Variants in PTPRK observed in about 807,000 individuals in gnomAD.
PTPRK encodes the protein protein tyrosine phosphatase receptor type K.
Under a neutral mutation model 178.0 loss-of-function variants are expected in PTPRK, and 75 were observed. The ratio of observed to expected loss-of-function variants is 0.42; its 90% confidence interval spans 0.35 to 0.51. The LOEUF (loss-of-function observed/expected upper bound fraction) is 0.51, where lower values mean the gene tolerates loss of function less well. Ranked by LOEUF, PTPRK falls within the 20% of genes least tolerant of loss-of-function variation. The probability of loss-of-function intolerance (pLI) is 0.02; values close to 1 mark genes in which losing one functional copy is unlikely to be tolerated. For missense variants in PTPRK, 1,441 were observed against 1,797.8 expected (o/e 0.80, Z 3.59); for synonymous variants, 637 against 620.6 (o/e 1.03, Z -0.39).
intron 3 of PTPRK, among the ~76,000 whole-genome samples, chr6:128,300,705 T>C (rs750038447): frequency 4.4e-5 from 4 of 91,772 alleles, no homozygotes; most frequent in Non-Finnish European, 8.3e-5. Flanking sequence ...GTATGGGGAC[T>C]GTTGTGGGGT....
intron 9 of PTPRK, among the ~76,000 whole-genome samples, chr6:128,082,862 C>T (rs1269778082): frequency 6.6e-6 from 1 of 151,568 alleles, no homozygotes; most frequent in East Asian, 1.9e-4. Flanking sequence ...TATAGCTGAC[C>T]AAATCAATAT....
At chr6:128,016,001 C>T (rs1186551130) in intron 13 of PTPRK, among the ~76,000 whole-genome samples, 3 of 151,564 alleles carry the variant, frequency 2.0e-5, no homozygotes, top group Non-Finnish European at 4.4e-5. Context: ...TTTGAGATAC[C>T]TGAAATATCT....
chr6:128,345,181 C>A (rs773517658), intron 2 of PTPRK, among the ~76,000 whole-genome samples: 1 of 151,930 alleles, frequency 6.6e-6, no homozygotes, highest in Non-Finnish European at 1.5e-5. Flanking sequence ...TTCATAGATA[C>A]ATGTATTCAT....
In PTPRK at chr6:128,491,522, G is replaced by A. The variant is rs761112638; in HGVS notation, c.100+28737C>T. Among the ~76,000 whole-genome samples the A allele has an allele frequency of 4.6e-5, 7 of 152,250 alleles. No homozygotes were observed. In the East Asian group the frequency reaches 5.8e-4, roughly 13 times the overall value. ...AAGCAGACAAAAGCAGCCTGGCTCC[G>A]GTGTATCCACACTTGGCAGCTGTAA... On this transcript the variant is annotated intron_variant, in intron 1 of 29. Transcript: ENST00000368226.
At chr6:128,009,366 A>G (rs1215091993) in intron 13 of PTPRK, 98 bp from the exon 14 acceptor site, 1 of 1,068,250 alleles carries the variant, frequency 9.4e-7, no homozygotes, top group Non-Finnish European at 1.4e-6. Flanking sequence ...CAACTTGTTT[A>G]TTGTATATTA....
At chr6:128,070,713 C>T (rs1430055674) in intron 11 of PTPRK, among the ~76,000 whole-genome samples, 7 of 151,874 alleles carry the variant, frequency 4.6e-5, no homozygotes, top group Non-Finnish European at 1.0e-4. Flanking sequence ...ATATAACATT[C>T]ACCCCAGTTT....
intron 8 of PTPRK, among the ~76,000 whole-genome samples, chr6:128,086,784 G>A (rs1020366383): frequency 3.3e-5 from 5 of 151,956 alleles, no homozygotes; most frequent in African/African-American, 7.2e-5. Flanking sequence ...AAGAGTTTAC[G>A]TATCAATCAT....
chr6:128,088,278 T>A (rs564360074), intron 8 of PTPRK, among the ~76,000 whole-genome samples: 1 of 151,018 alleles, frequency 6.6e-6, no homozygotes, highest in East Asian at 1.9e-4. Flanking sequence ...CTTGGGAGGC[T>A]GAGGCAGGAG....
chr6:128,165,415 TGA>T, intron 7 of PTPRK, among the ~76,000 whole-genome samples: 1 of 151,414 alleles, frequency 6.6e-6, no homozygotes, highest in South Asian at 2.1e-4. Context: ...TCTTTTTGCA[TGA>T]GAGAGGTTTT....
intron 13 of PTPRK, among the ~76,000 whole-genome samples, chr6:128,055,871 G>A (rs939535005): frequency 6.6e-6 from 1 of 152,042 alleles, no homozygotes; most frequent in Non-Finnish European, 1.5e-5. Context: ...AAAGCACTAG[G>A]ATTACAGGCA....
chr6:128,034,827 G>C (rs1021584322), intron 13 of PTPRK, among the ~76,000 whole-genome samples: 1 of 152,120 alleles, frequency 6.6e-6, no homozygotes, highest in Non-Finnish European at 1.5e-5. Context: ...TAATAAATAC[G>C]TGTGGATTGT....
At chr6:128,338,171 T>C (rs1359284512) in intron 2 of PTPRK, among the ~76,000 whole-genome samples, 1 of 152,120 alleles carries the variant, frequency 6.6e-6, no homozygotes, top group Non-Finnish European at 1.5e-5. Context: ...ATAAAACATA[T>C]GAGTGATAGG....
intron 3 of PTPRK, among the ~76,000 whole-genome samples, chr6:128,310,789 T>C (rs1309109327): frequency 6.6e-6 from 1 of 152,216 alleles, no homozygotes; most frequent in Non-Finnish European, 1.5e-5. Context: ...ACCCACTTTA[T>C]TCTCCAGGAG....
At chr6:128,093,626 A>G (rs28636045) in intron 7 of PTPRK, among the ~76,000 whole-genome samples, 1 of 129,270 alleles carries the variant, frequency 7.7e-6, no homozygotes, top group African/African-American at 2.9e-5. Context: ...AAAAAAAACG[A>G]AAAAACAAAA....
intron 1 of PTPRK, among the ~76,000 whole-genome samples, chr6:128,438,921 T>C (rs1184596240): frequency 6.6e-6 from 1 of 151,808 alleles, no homozygotes; most frequent in Non-Finnish European, 1.5e-5. Context: ...AAACAGAAGT[T>C]TAGAGAAAAA....
At chr6:128,428,239 A>C (rs150650578) in intron 1 of PTPRK, among the ~76,000 whole-genome samples, 7 of 152,370 alleles carry the variant, frequency 4.6e-5, no homozygotes, top group African/African-American at 1.7e-4. Flanking sequence ...GACCGAGTCC[A>C]TTCTTCAACT....
At chr6:128,191,717 C>T (rs186837841) in intron 6 of PTPRK, among the ~76,000 whole-genome samples, 1 of 147,528 alleles carries the variant, frequency 6.8e-6, no homozygotes, top group African/African-American at 2.6e-5. Flanking sequence ...CTTAATAAAT[C>T]TGAAGCGAAA....
intron 2 of PTPRK, among the ~76,000 whole-genome samples, chr6:128,350,985 T>C (rs895642849): frequency 6.6e-6 from 1 of 152,202 alleles, no homozygotes; most frequent in Non-Finnish European, 1.5e-5. Context: ...CAAACAAGTA[T>C]GTCTGATACT....
At chr6:128,518,584 C>G (rs1858449688) in intron 1 of PTPRK, among the ~76,000 whole-genome samples, 1 of 152,190 alleles carries the variant, frequency 6.6e-6, no homozygotes, top group Non-Finnish European at 1.5e-5. Flanking sequence ...CGTGCAGTGA[C>G]AAACACTGTG....
Sources: allele counts gnomAD v4.1 joint callset (sites outside exome capture counted in the v4.1 genomes callset), GRCh38; gene constraint gnomAD v4.1.1; transcripts MANE v1.5; gene names NCBI Gene and HGNC (gene_info 2026-07-23, HGNC 2026-07-21).